The following NSMCE2 variants were observed in gnomAD, a reference collection of about 807,000 sequenced individuals.
The protein encoded by NSMCE2 is NSE2 SUMO ligase component of SMC5/6 complex.
Under a neutral mutation model 23.8 loss-of-function variants are expected in NSMCE2, and 24 were observed. That is an observed-to-expected ratio of 1.01 (90% CI 0.73 to 1.42). The LOEUF is 1.42. Among genes scored for constraint, NSMCE2 ranks in the 40% most tolerant of loss-of-function variants. The pLI, the probability that NSMCE2 is intolerant of heterozygous loss-of-function variation, is 0.00. For missense variants in NSMCE2, 284 were observed against 296.5 expected (o/e 0.96, Z 0.31); for synonymous variants, 92 against 94.1 (o/e 0.98, Z 0.13).
chr8:125,361,885 G>A (rs1813571888), intron 7 of NSMCE2, among the ~76,000 whole-genome samples: 1 of 152,162 alleles, frequency 6.6e-6, no homozygotes, highest in Admixed American at 6.5e-5. Context: ...TAGACCTTCT[G>A]TCTATAGCTT....
intron 5 of NSMCE2, among the ~76,000 whole-genome samples, chr8:125,332,137 AT>A (rs938272692): frequency 1.6e-4 from 25 of 152,302 alleles, no homozygotes; most frequent in African/African-American, 5.5e-4. Context: ...TCTAAATTTT[AT>A]TTATTATCCT....
intron 5 of NSMCE2, among the ~76,000 whole-genome samples, chr8:125,231,403 A>T (rs927029662): frequency 2.6e-5 from 4 of 152,222 alleles, no homozygotes; most frequent in Admixed American, 6.5e-5. Flanking sequence ...GAACAAAGGG[A>T]TTAAAGCATC....
chr8:125,228,115 A>G (rs1195721839), intron 5 of NSMCE2, among the ~76,000 whole-genome samples: 1 of 152,174 alleles, frequency 6.6e-6, no homozygotes, highest in Non-Finnish European at 1.5e-5. Flanking sequence ...AACTATCAAA[A>G]TTGCCTAATT....
chr8:125,202,686 T>C (rs924163363), intron 5 of NSMCE2, among the ~76,000 whole-genome samples: 6 of 152,204 alleles, frequency 3.9e-5, no homozygotes, highest in Non-Finnish European at 8.8e-5. Flanking sequence ...TTTGAACTTA[T>C]TAGAGGCATT....
At chr8:125,213,707 C>CCCTTCCTTCCTTCTTTATTT (rs1824456254) in intron 5 of NSMCE2, among the ~76,000 whole-genome samples, 2 of 123,330 alleles carry the variant, frequency 1.6e-5, no homozygotes, top group African/African-American at 6.9e-5. Context: ...TTCCCTCCCT[C>CCCTTCCTTCCTTCTTTATTT]CCTTCCTTCC....
intron 1 of NSMCE2, among the ~76,000 whole-genome samples, chr8:125,094,167 C>T (rs1817818394): frequency 6.6e-6 from 1 of 152,092 alleles, no homozygotes; most frequent in African/African-American, 2.4e-5. Context: ...AACAGGAGAG[C>T]TATGAATCTG....
rs978058429 is a variant in NSMCE2, at chr8:125,246,269, C to T, written c.418+64013C>T. Among the ~76,000 whole-genome samples, 5 of 151,486 alleles carry T rather than the reference C, an allele frequency of 3.3e-5. No homozygotes were observed. The East Asian group carries it at 5.9e-4, about 18-fold the overall frequency. On this transcript the variant is annotated intron_variant, in intron 5 of 7. Transcript: ENST00000287437. Reference sequence around the variant, plus strand: ...CGCAATCTCGGCTCACTGCAACCTCCGCCTCCCAGGTTCAAGCAATTCTCC... The same window carrying T: ...CGCAATCTCGGCTCACTGCAACCTCTGCCTCCCAGGTTCAAGCAATTCTCC...
At chr8:125,148,167 C>T (rs1421557300) in intron 3 of NSMCE2, among the ~76,000 whole-genome samples, 1 of 152,168 alleles carries the variant, frequency 6.6e-6, no homozygotes, top group East Asian at 1.9e-4. Flanking sequence ...CTTGTCCCAA[C>T]ATTCTTGGGC....
chr8:125,183,347 CTT>C (rs10609215), intron 5 of NSMCE2, among the ~76,000 whole-genome samples: 11 of 152,164 alleles, frequency 7.2e-5, no homozygotes, highest in African/African-American at 2.4e-4. Context: ...CATGATGAGA[CTT>C]TTGTTTTTAC....
intron 4 of NSMCE2, among the ~76,000 whole-genome samples, chr8:125,180,955 G>C (rs1822775650): frequency 6.6e-6 from 1 of 152,168 alleles, no homozygotes; most frequent in Non-Finnish European, 1.5e-5. Context: ...AGGGGAAAGA[G>C]GCATAAAAAT....
intron 5 of NSMCE2, among the ~76,000 whole-genome samples, chr8:125,255,337 G>A (rs2131026378): frequency 6.6e-6 from 1 of 152,284 alleles, no homozygotes; most frequent in South Asian, 2.1e-4. Context: ...GAACAAGGAG[G>A]TAGACACATA....
chr8:125,184,507 A>T (rs1321739934), intron 5 of NSMCE2, among the ~76,000 whole-genome samples: 3 of 152,132 alleles, frequency 2.0e-5, no homozygotes, highest in Admixed American at 6.5e-5. Context: ...ACTGGAATTA[A>T]AATAACTTTC....
chr8:125,214,890 C>A (rs1824506054), intron 5 of NSMCE2, among the ~76,000 whole-genome samples: 1 of 152,076 alleles, frequency 6.6e-6, no homozygotes, highest in Admixed American at 6.6e-5. Flanking sequence ...AGATTAGGTA[C>A]GTTCACACTG....
chr8:125,161,816 G>A (rs910591687), intron 4 of NSMCE2, among the ~76,000 whole-genome samples: 2 of 150,716 alleles, frequency 1.3e-5, no homozygotes, highest in Admixed American at 6.6e-5. Flanking sequence ...AATCGGAAAC[G>A]GTAACCAGAA....
At chr8:125,285,100 A>G (rs531611045) in intron 5 of NSMCE2, among the ~76,000 whole-genome samples, 1 of 152,364 alleles carries the variant, frequency 6.6e-6, no homozygotes, top group East Asian at 1.9e-4. Flanking sequence ...CAGTTGAACT[A>G]GATCTGAAGG....
intron 3 of NSMCE2, among the ~76,000 whole-genome samples, chr8:125,116,583 C>T (rs952857502): frequency 6.6e-5 from 10 of 151,808 alleles, no homozygotes; most frequent in African/African-American, 2.2e-4. Flanking sequence ...TGTGTGTGTG[C>T]GTATATGTGC....
intron 5 of NSMCE2, among the ~76,000 whole-genome samples, chr8:125,189,274 T>A (rs1331405138): frequency 6.6e-6 from 1 of 152,218 alleles, no homozygotes; most frequent in Non-Finnish European, 1.5e-5. Context: ...TTATCCCTTA[T>A]GCATTTGGGT....
At chr8:125,107,504 T>C (rs1818523747) in intron 3 of NSMCE2, among the ~76,000 whole-genome samples, 1 of 152,106 alleles carries the variant, frequency 6.6e-6, no homozygotes, top group Admixed American at 6.5e-5. Flanking sequence ...TCAAGGACAT[T>C]CTTAAATGAA....
At chr8:125,106,880 C>T (rs975405544) in intron 3 of NSMCE2, among the ~76,000 whole-genome samples, 2 of 145,596 alleles carry the variant, frequency 1.4e-5, no homozygotes, top group African/African-American at 5.1e-5. Context: ...CCTATAATCC[C>T]GGCTACTCGG....
Sources: gnomAD v4.1 joint callset for allele counts (sites outside exome capture counted in the v4.1 genomes callset) on GRCh38, gnomAD v4.1.1 for gene constraint, MANE v1.5 for transcripts, NCBI Gene and HGNC (gene_info 2026-07-23, HGNC 2026-07-21) for gene names.